Variants in DHRSX observed in about 807,000 individuals in gnomAD.
The protein encoded by DHRSX is dehydrogenase/reductase X-linked.
A neutral mutation model predicts 34.0 loss-of-function variants in DHRSX; 31 were observed. That is an observed-to-expected ratio of 0.91 (90% CI 0.69 to 1.23). The LOEUF is 1.23. Among genes scored for constraint, DHRSX ranks in the 50% most tolerant of loss-of-function variants. DHRSX has a pLI of 0.00. For missense variants in DHRSX, 414 were observed against 428.1 expected (o/e 0.97, Z 0.29); for synonymous variants, 201 against 183.8 (o/e 1.09, Z -0.76).
intron 3 of DHRSX, among the ~76,000 whole-genome samples, chrX:2,295,541 T>C (rs1360950654): frequency 6.6e-6 from 1 of 152,166 alleles, no homozygotes; most frequent in Non-Finnish European, 1.5e-5. Flanking sequence ...AACTTGCACG[T>C]TCTGTACATG....
chrX:2,273,833 A>G (rs2041588850), intron 4 of DHRSX, among the ~76,000 whole-genome samples: 1 of 152,126 alleles, frequency 6.6e-6, no homozygotes, highest in Non-Finnish European at 1.5e-5. Context: ...CTTTTGCAAG[A>G]GCAGAGGGGA....
chrX:2,275,123 G>GT lies in DHRSX; in HGVS notation c.389-8177dup, dbSNP rs971263072. Among the ~76,000 whole-genome samples the GT allele has an allele frequency of 3.5e-4, 53 of 152,096 alleles. 1 individual carries two copies. The highest frequency in any genetic ancestry group is 8.5e-4 in the Admixed American group (13 of 15,274). On this transcript the variant is annotated intron_variant, in intron 4 of 6. Coordinates refer to ENST00000334651, the MANE Select transcript of DHRSX (RefSeq NM_145177.3). ...TGTGTTTTAAATTTTCCATAATCAT[G>GT]TTTTTTTCGGCATCAGTAAAATTCT... is the stretch of plus-strand genomic sequence containing the variant.
chrX:2,250,161 CAAAAAAAAA>C (rs1036532155), intron 5 of DHRSX, among the ~76,000 whole-genome samples: 1 of 101,830 alleles, frequency 9.8e-6, no homozygotes, highest in Non-Finnish European at 1.9e-5. Flanking sequence ...GACTCCATCT[CAAAAAAAAA>C]AAAAAAAAAA....
Position 2,243,124 on chromosome X carries a change from C to A in DHRSX, c.703G>T (p.Ala235Ser). The change falls in exon 6 of 7, where the codon GCC becomes TCC. Residue 235 changes from alanine (A) to serine (S), a missense_variant. Physicochemically the swap from Ala to Ser is moderately conservative, Grantham distance 99 (BLOSUM62 1). Transcript: ENST00000334651. ...LLAAEGSHVTANVVDPGVVNT... is the reference protein window; with the variant it reads ...LLAAEGSHVTSNVVDPGVVNT... ...ACCACCCCGGGGTCCACCACGTTGG[C>A]GGTCACGTGGCTTCCCTCAGCCGCC... The A allele has an allele frequency of 6.2e-7, 1 of 1,613,888 alleles. No individual in the cohort carries two copies. Among genetic ancestry groups the A allele is most frequent in the African/African-American group, 1.3e-5 (1 of 75,020 alleles).
intron 5 of DHRSX, among the ~76,000 whole-genome samples, chrX:2,246,801 G>GA (rs1227367629): frequency 1.3e-5 from 2 of 151,846 alleles, no homozygotes; most frequent in Non-Finnish European, 2.9e-5. Context: ...AGTAAACTTT[G>GA]ACCTAAGGAT....
At chrX:2,269,288 G>T (rs193266274) in intron 4 of DHRSX, among the ~76,000 whole-genome samples, 1 of 152,210 alleles carries the variant, frequency 6.6e-6, no homozygotes, top group Non-Finnish European at 1.5e-5. Context: ...ATATATAGAG[G>T]TCTAGCATTT....
chrX:2,385,684 G>C (rs2043263143), intron 3 of DHRSX, among the ~76,000 whole-genome samples: 1 of 152,022 alleles, frequency 6.6e-6, no homozygotes, highest in African/African-American at 2.4e-5. Flanking sequence ...AGCATCCTTT[G>C]GTCTACAGGT....
intron 6 of DHRSX, among the ~76,000 whole-genome samples, chrX:2,229,918 C>A (rs952467289): frequency 2.6e-5 from 4 of 152,104 alleles, no homozygotes; most frequent in Non-Finnish European, 5.9e-5. Context: ...TACGTACATG[C>A]ATGTGCATGA....
intron 1 of DHRSX, among the ~76,000 whole-genome samples, chrX:2,453,579 G>A (rs2044254925): frequency 6.6e-6 from 1 of 152,082 alleles, no homozygotes; most frequent in African/African-American, 2.4e-5. Context: ...GGCTGAGGTG[G>A]GAGGGTCACC....
At position 2,262,502 on chromosome X, in the gene DHRSX, C is replaced by T. The variant is rs767286500; in HGVS notation, c.596+4238G>A. On this transcript the variant is annotated intron_variant, in intron 5 of 6. Coordinates refer to ENST00000334651, the MANE Select transcript of DHRSX (RefSeq NM_145177.3). ...TGTGCCCACAGGTACACACAACTCACCTGTGCATATGGGCACGCATGCACC... is the reference window on the plus strand; with the variant it reads ...TGTGCCCACAGGTACACACAACTCATCTGTGCATATGGGCACGCATGCACC... 6.6e-5 allele frequency among the ~76,000 whole-genome samples: 10 copies of T among 152,280 alleles called. No individual in the cohort carries two copies. The South Asian group carries it at 2.1e-3, about 32-fold the overall frequency.
At chrX:2,295,910 C>A (rs1260297722) in intron 3 of DHRSX, among the ~76,000 whole-genome samples, 4 of 152,162 alleles carry the variant, frequency 2.6e-5, no homozygotes, top group Non-Finnish European at 5.9e-5. Context: ...AAATAGTTCC[C>A]TTCCTCCCAT....
chrX:2,334,791 C>T (rs2042531449), intron 3 of DHRSX: 1 of 152,134 alleles, frequency 6.6e-6, no homozygotes. Context: ...GAATAAGGGA[C>T]TCTATCCATC....
chrX:2,484,605 C>G (rs755981943), intron 1 of DHRSX, among the ~76,000 whole-genome samples: 3 of 152,172 alleles, frequency 2.0e-5, no homozygotes, highest in African/African-American at 7.2e-5. Context: ...TTGCTGCAGA[C>G]GGTCCTGTGA....
chrX:2,302,615 A>AT (rs1351035731), intron 3 of DHRSX, among the ~76,000 whole-genome samples: 1 of 145,316 alleles, frequency 6.9e-6, no homozygotes, highest in Non-Finnish European at 1.5e-5. Flanking sequence ...GTCTCAAAAA[A>AT]TAAATAAATA....
chrX:2,289,470 G>T (rs1225412168), intron 4 of DHRSX, among the ~76,000 whole-genome samples: 1 of 152,120 alleles, frequency 6.6e-6, no homozygotes, highest in East Asian at 1.9e-4. Flanking sequence ...ATACCAAATG[G>T]ATGGAAGTAG....
chrX:2,406,113 G>A (rs774290426), intron 3 of DHRSX, among the ~76,000 whole-genome samples: 10 of 152,070 alleles, frequency 6.6e-5, no homozygotes, highest in Non-Finnish European at 1.0e-4. Context: ...CCAACATGGC[G>A]AAACCCCGTC....
chrX:2,464,750 C>G (rs1415670781), intron 1 of DHRSX, among the ~76,000 whole-genome samples: 1 of 149,912 alleles, frequency 6.7e-6, no homozygotes, highest in Non-Finnish European at 1.5e-5. Context: ...CCACCTTATA[C>G]ACACTGAAGA....
chrX:2,437,694 A>AGTGTGTGT (rs1167470793), intron 1 of DHRSX, among the ~76,000 whole-genome samples: 101 of 69,340 alleles, frequency 1.5e-3, no homozygotes, highest in African/African-American at 7.5e-3. Flanking sequence ...AGAGAGAGAG[A>AGTGTGTGT]GAGAGTGTGT....
chrX:2,407,982 G>C (rs1363726074), intron 3 of DHRSX, among the ~76,000 whole-genome samples: 1 of 152,194 alleles, frequency 6.6e-6, no homozygotes. Flanking sequence ...TGAGAATCTA[G>C]ATGGATATTA....
Sources: gnomAD v4.1 joint callset for allele counts (sites outside exome capture counted in the v4.1 genomes callset) on GRCh38, gnomAD v4.1.1 for gene constraint, MANE v1.5 for transcripts, NCBI Gene and HGNC (gene_info 2026-07-23, HGNC 2026-07-21) for gene names.